Variants in TENM3 observed in about 807,000 individuals in gnomAD.
TENM3 encodes teneurin-3.
Under a neutral mutation model 255.1 loss-of-function variants are expected in TENM3, and 63 were observed. That is an observed-to-expected ratio of 0.25 (90% confidence interval 0.20 to 0.30). The LOEUF (loss-of-function observed/expected upper bound fraction) is 0.30. Among genes scored for constraint, TENM3 ranks in the 10% least tolerant of loss-of-function variants. The pLI, the probability that TENM3 is intolerant of heterozygous loss-of-function variation, is 1.00. For synonymous variants in TENM3, 1,306 were observed against 1,322.3 expected (o/e 0.99, Z 0.27); for missense variants, 2,929 against 3,461.1 (o/e 0.85, Z 3.86).
chr4:182,422,329 A>T (rs1770897144), intron 3 of TENM3, among the ~76,000 whole-genome samples: 1 of 152,162 alleles, frequency 6.6e-6, no homozygotes, highest in South Asian at 2.1e-4. Flanking sequence ...GAAAGCAAAC[A>T]CATTAGCTCG....
chr4:182,405,176 C>T (rs1302916110), intron 3 of TENM3, among the ~76,000 whole-genome samples: 1 of 152,312 alleles, frequency 6.6e-6, no homozygotes, highest in Non-Finnish European at 1.5e-5. Context: ...TTCCCTAGAA[C>T]GTCCAGCTGG....
chr4:181,522,426 C>T, the TENM3 span, among the ~76,000 whole-genome samples: 44 of 152,260 alleles, frequency 2.9e-4, no homozygotes, highest in Non-Finnish European at 4.1e-4. Flanking sequence ...CAAGCAGATC[C>T]TCCAGAAAGA....
chr4:182,481,211 A>C (rs1487454691), intron 3 of TENM3, among the ~76,000 whole-genome samples: 1 of 152,144 alleles, frequency 6.6e-6, no homozygotes, highest in African/African-American at 2.4e-5. Flanking sequence ...CTAATTTCTA[A>C]ATCAAGATTT....
At chr4:182,431,505 G>A (rs1771643138) in intron 3 of TENM3, among the ~76,000 whole-genome samples, 1 of 151,986 alleles carries the variant, frequency 6.6e-6, no homozygotes, top group African/African-American at 2.4e-5. Flanking sequence ...ACAAAGAAAA[G>A]AAAAGAAAAG....
the TENM3 span, among the ~76,000 whole-genome samples, chr4:181,686,562 T>C: frequency 1.3e-5 from 2 of 152,256 alleles, no homozygotes; most frequent in East Asian, 3.9e-4. Context: ...CTAGATGTTA[T>C]GGAAATTCAC....
chr4:181,640,321 A>G, the TENM3 span, among the ~76,000 whole-genome samples: 1 of 152,336 alleles, frequency 6.6e-6, no homozygotes, highest in South Asian at 2.1e-4. Flanking sequence ...GGATCATGGC[A>G]CATCCTAACA....
chr4:182,469,160 C>G (rs1732879380), intron 3 of TENM3, among the ~76,000 whole-genome samples: 1 of 152,026 alleles, frequency 6.6e-6, no homozygotes, highest in Admixed American at 6.6e-5. Context: ...CTTAAGTATT[C>G]TTGATAAGCA....
intron 3 of TENM3, among the ~76,000 whole-genome samples, chr4:182,466,269 C>T (rs967780953): frequency 1.3e-5 from 2 of 152,214 alleles, no homozygotes; most frequent in Non-Finnish European, 2.9e-5. Context: ...CATCCAAAAT[C>T]AAGGTGTTGA....
intron 16 of TENM3, among the ~76,000 whole-genome samples, chr4:182,731,860 C>G (rs1231382329): frequency 6.6e-6 from 1 of 151,426 alleles, no homozygotes; most frequent in Non-Finnish European, 1.5e-5. Flanking sequence ...CGGCTCACTG[C>G]AAGCTCCACC....
At chr4:182,713,964 T>G (rs2152678018) in intron 12 of TENM3, 123 bp from the exon 13 acceptor site, 1 of 720,786 alleles carries the variant, frequency 1.4e-6, no homozygotes, top group East Asian at 2.5e-5. Context: ...TCTATCCATG[T>G]GCAATTACAG....
the TENM3 span, among the ~76,000 whole-genome samples, chr4:182,119,233 A>G: frequency 2.6e-5 from 4 of 152,156 alleles, no homozygotes; most frequent in Admixed American, 6.5e-5. Context: ...TGTTAAGAAA[A>G]ACAAAATGCT....
intron 19 of TENM3, among the ~76,000 whole-genome samples, chr4:182,751,222 A>G (rs936101082): frequency 6.6e-6 from 1 of 152,216 alleles, no homozygotes; most frequent in Non-Finnish European, 1.5e-5. Flanking sequence ...GAATGACCTC[A>G]TTTTAATATT....
the TENM3 span, among the ~76,000 whole-genome samples, chr4:181,538,063 A>T: frequency 6.6e-6 from 1 of 152,326 alleles, no homozygotes; most frequent in African/African-American, 2.4e-5. Context: ...TAGTAAAATC[A>T]AAATTTATTG....
the TENM3 span, among the ~76,000 whole-genome samples, chr4:181,872,807 T>A: frequency 6.6e-6 from 1 of 152,218 alleles, no homozygotes; most frequent in Non-Finnish European, 1.5e-5. Flanking sequence ...TTCTTACTTC[T>A]GGAGCCTTTG....
At chr4:182,643,449 T>C (rs1561047356) in intron 5 of TENM3, among the ~76,000 whole-genome samples, 2 of 152,198 alleles carry the variant, frequency 1.3e-5, no homozygotes, top group African/African-American at 2.4e-5. Context: ...TAATTTAGCC[T>C]AAATATTTGT....
At chr4:182,351,370 T>C (rs113753153) in intron 3 of TENM3, among the ~76,000 whole-genome samples, 2,472 of 152,322 alleles carry the variant, frequency 0.016, 67 homozygotes, top group African/African-American at 0.056. Flanking sequence ...TATTGTTTTT[T>C]GTCATCCAGC....
the TENM3 span, among the ~76,000 whole-genome samples, chr4:181,451,784 A>G: frequency 8.5e-5 from 13 of 152,230 alleles, no homozygotes; most frequent in Non-Finnish European, 7.3e-5. Flanking sequence ...ATATCCTGAA[A>G]AAAGTTCTGT....
At chr4:181,907,844 C>T in the TENM3 span, among the ~76,000 whole-genome samples, 11 of 152,136 alleles carry the variant, frequency 7.2e-5, no homozygotes, top group African/African-American at 1.4e-4. Context: ...AAGATTCAGA[C>T]GAAACAATGA....
the TENM3 span, among the ~76,000 whole-genome samples, chr4:181,924,502 G>C: frequency 2.6e-5 from 4 of 152,144 alleles, no homozygotes; most frequent in Non-Finnish European, 4.4e-5. Context: ...TATCACTCAA[G>C]AATATTCAAA....
Sources: gnomAD v4.1 joint callset for allele counts (sites outside exome capture counted in the v4.1 genomes callset) on GRCh38, gnomAD v4.1.1 for gene constraint, MANE v1.5 for transcripts, NCBI Gene and HGNC (gene_info 2026-07-23, HGNC 2026-07-21) for gene names.